Variants in TP53BP1 observed in about 807,000 individuals in gnomAD.
TP53BP1 encodes TP53-binding protein 1.
In TP53BP1, 61 loss-of-function variants were observed where a neutral mutation model predicts 200.8. The ratio of observed to expected loss-of-function variants is 0.30; its 90% CI spans 0.25 to 0.38. The LOEUF is 0.38. Ranked by LOEUF, TP53BP1 falls within the 10% of genes least tolerant of loss-of-function variation. The probability of loss-of-function intolerance (pLI) is 1.00; values close to 1 mark genes in which losing one functional copy is unlikely to be tolerated. For missense variants in TP53BP1, 2,144 were observed against 2,371.9 expected (o/e 0.90, Z 2.00); for synonymous variants, 822 against 844.3 (o/e 0.97, Z 0.46).
intron 25 of TP53BP1, 75 bp from the exon 26 acceptor site, chr15:43,409,171 C>G: frequency 1.4e-6 from 2 of 1,395,744 alleles, no homozygotes; most frequent in Non-Finnish European, 2.0e-6. Flanking sequence ...CATAATGAGC[C>G]ATGAAGAGCA....
chr15:43,406,383 T>C lies in TP53BP1; in HGVS notation c.*1000A>G, dbSNP rs1595510018. ...TCTGACAACTTATTCCCTGCTATTA[T>C]CAACTAAAGATCACCCTTTCTACTG... On this transcript the variant is annotated 3_prime_UTR_variant, in exon 28 of 28. Transcript: ENST00000382044. The C allele has an allele frequency of 9.3e-6, 3 of 322,018 alleles. No homozygotes were observed. The East Asian group carries it at 2.4e-4, about 25-fold the overall frequency. 19.9% of individuals were successfully genotyped at this position (322,018 alleles called of 1,614,324 possible).
chr15:43,415,502 C>A, intron 23 of TP53BP1, 92 bp downstream of exon 23: 1 of 1,341,698 alleles, frequency 7.5e-7, no homozygotes, highest in Non-Finnish European at 1.1e-6. Context: ...GACAGAAGGG[C>A]CACTGCCACA....
chr15:43,403,678 G>A lies in TP53BP1; in HGVS notation c.*3705C>T, dbSNP rs762108781. On this transcript the variant is annotated 3_prime_UTR_variant, in exon 28 of 28. Transcript: ENST00000382044. The stretch of plus-strand genomic sequence containing the variant: ...TTCCTAATGCCAACTCTGTTTCCCG[G>A]GTAGGTGTTTCACTGCCTGAATGAA... 8.1e-6 allele frequency: 13 copies of A among 1,606,510 alleles called. No homozygotes were observed. In the Admixed American group the frequency reaches 2.0e-4, roughly 25 times the overall value.
intron 17 of TP53BP1, among the ~76,000 whole-genome samples, chr15:43,429,824 C>CATG (rs1356071463): frequency 6.6e-6 from 1 of 152,200 alleles, no homozygotes. Context: ...GGTACCCATG[C>CATG]ATGAGAACTA....
At chr15:43,427,017 CAAAAAAAAAAAAA>C (rs1230749433) in intron 18 of TP53BP1, among the ~76,000 whole-genome samples, 1 of 67,672 alleles carries the variant, frequency 1.5e-5, no homozygotes, top group Non-Finnish European at 3.0e-5. Context: ...GACTCTGCCT[CAAAAAAAAAAAAA>C]AAAAAAGAAA....
Position 43,409,662 on chromosome 15 carries a change from A to C in TP53BP1, c.5385T>G (p.Asp1795Glu), listed in dbSNP as rs1415885856. The change falls in exon 25 of 28, where the codon GAT (aspartate) becomes GAG (glutamate). Residue 1795 changes from aspartate to glutamate, a missense_variant. Physicochemically the swap from Asp to Glu is conservative, Grantham distance 45. Around this residue, in one of 4 missense-constraint regions of TP53BP1, gnomAD observed 334 missense variants for 453.4 expected, o/e 0.74. Transcript: ENST00000382044. The stretch of plus-strand genomic sequence containing the variant: ...AACTCCTCACCTGGGCTTCATTGAA[A>C]TCTTCAAGGATATAGCCAGCTCCTG... ...LRAGAGYILEDFNEAQCNTAY... is the reference protein window; with the variant it reads ...LRAGAGYILEEFNEAQCNTAY... 6.5e-7 allele frequency: 1 copy of C among 1,548,804 alleles called. No individual in the cohort carries two copies. Among genetic ancestry groups the C allele is most frequent in the Non-Finnish European group, 8.7e-7 (1 of 1,148,686 alleles).
intron 21 of TP53BP1, among the ~76,000 whole-genome samples, chr15:43,419,400 C>G (rs1307682613): frequency 6.6e-6 from 1 of 151,864 alleles, no homozygotes; most frequent in Non-Finnish European, 1.5e-5. Context: ...CTCACTGTTT[C>G]CCAGGCTGGA....
At chr15:43,421,821 T>C (rs1402760553) in intron 19 of TP53BP1, 34 bp downstream of exon 19, 1 of 1,611,620 alleles carries the variant, frequency 6.2e-7, no homozygotes, top group Admixed American at 1.7e-5. Flanking sequence ...CTGCCCCTGC[T>C]GTGGCTCTCT....
intron 22 of TP53BP1, 66 bp downstream of exon 22, chr15:43,416,159 G>C (rs1433759010): frequency 4.2e-6 from 6 of 1,423,314 alleles, no homozygotes; most frequent in African/African-American, 1.4e-5. Flanking sequence ...GACAGGTCCA[G>C]AATCTCCTCC....
intron 4 of TP53BP1, among the ~76,000 whole-genome samples, chr15:43,486,202 C>A (rs1422428057): frequency 1.3e-5 from 2 of 151,932 alleles, no homozygotes; most frequent in Non-Finnish European, 2.9e-5. Context: ...CATGGAGAAA[C>A]CCTATCTCCA....
At position 43,469,727 on chromosome 15, in the gene TP53BP1, C is replaced by G; in HGVS notation, c.1389+131G>C. 5.0e-6 allele frequency: 4 copies of G among 797,154 alleles called. No individual in the cohort carries two copies. In the South Asian group the frequency reaches 7.5e-5, roughly 15 times the overall value. 49.4% of individuals were successfully genotyped at this position (797,154 alleles called of 1,614,324 possible). A position where few individuals can be genotyped will look rare whatever the true frequency, so the allele number is the denominator to read the frequency against. On this transcript the variant is annotated intron_variant, in intron 11 of 27. Coordinates refer to ENST00000382044, the MANE Select transcript of TP53BP1 (RefSeq NM_001141980.3). ...GCTTTGTGACGACAGCTTCACAACT[C>G]TGTAAATTTACTAAAATATCACAAA...
intron 12 of TP53BP1, among the ~76,000 whole-genome samples, chr15:43,454,961 C>G (rs1244430782): frequency 2.6e-5 from 4 of 151,824 alleles, no homozygotes; most frequent in African/African-American, 9.7e-5. Context: ...AACTCCTGAG[C>G]TCAGGCAATC....
chr15:43,490,841 G>A (rs146731426), intron 4 of TP53BP1, among the ~76,000 whole-genome samples: 1 of 152,198 alleles, frequency 6.6e-6, no homozygotes, highest in Non-Finnish European at 1.5e-5. Context: ...TGTCTTCATC[G>A]TACAGCTGCT....
intron 4 of TP53BP1, among the ~76,000 whole-genome samples, chr15:43,488,996 G>A (rs2079084895): frequency 1.3e-5 from 2 of 152,218 alleles, no homozygotes; most frequent in Admixed American, 1.3e-4. Flanking sequence ...TGTTTGGACA[G>A]CTCCTCCTTT....
At chr15:43,459,653 T>C (rs973790233) in intron 11 of TP53BP1, among the ~76,000 whole-genome samples, 1 of 151,896 alleles carries the variant, frequency 6.6e-6, no homozygotes, top group Non-Finnish European at 1.5e-5. Flanking sequence ...TCCAATTGCA[T>C]GAAATTCTTT....
chr15:43,462,915 G>C lies in TP53BP1; in HGVS notation c.1390-5697C>G, dbSNP rs184241862. Among the ~76,000 whole-genome samples the C allele has an allele frequency of 6.0e-4, 91 of 152,124 alleles. 1 individual carries two copies. The highest frequency in any genetic ancestry group is 9.1e-4 in the Non-Finnish European group (62 of 67,988). Reference sequence around the variant, plus strand: ...CTACTAAAAATACAAACATTAGCTGGGCATGGTGGTGTGCACTTTTTGTCC... The same window carrying C: ...CTACTAAAAATACAAACATTAGCTGCGCATGGTGGTGTGCACTTTTTGTCC... On this transcript the variant is annotated intron_variant, in intron 11 of 27. Coordinates refer to ENST00000382044, the MANE Select transcript of TP53BP1 (RefSeq NM_001141980.3).
In TP53BP1 at chr15:43,432,553, A is replaced by G. The variant is rs765883263; in HGVS notation, c.3316T>C (p.Ser1106Pro). The G allele has an allele frequency of 1.4e-5, 23 of 1,613,956 alleles. No individual in the cohort carries two copies. Among genetic ancestry groups the G allele is most frequent in the Non-Finnish European group, 1.9e-5 (23 of 1,180,016 alleles). ...ATGACCATCTTCTGGGAAGCAGGAG[A>G]AACAGGGTCCTTGACAGGACTAATG... Reference protein sequence around the residue: ...KPISPVKDPVSPASQKMVIQG... With the variant: ...KPISPVKDPVPPASQKMVIQG... The change falls in exon 17 of 28, where the codon TCT becomes CCT. Residue 1106 changes from serine to proline, a missense_variant. Ser to Pro is a moderately conservative substitution (Grantham distance 74, BLOSUM62 -1). This residue lies in a region of TP53BP1 where 1,700 missense variants were observed against 1,710.3 expected (regional missense o/e 0.99). Transcript: ENST00000382044.
At position 43,405,049 on chromosome 15, in the gene TP53BP1, T is replaced by C. The variant is rs1377189792; in HGVS notation, c.*2334A>G. 1.2e-6 allele frequency: 1 copy of C among 820,970 alleles called. No homozygotes were observed. Among genetic ancestry groups the C allele is most frequent in the East Asian group, 2.7e-5 (1 of 37,360 alleles). 50.9% of individuals were successfully genotyped at this position (820,970 alleles called of 1,614,324 possible). On this transcript the variant is annotated 3_prime_UTR_variant, in exon 28 of 28. Transcript: ENST00000382044. ...TCTCTCTAAAATGTCTGCAAGCAGA[T>C]TTTTTTCTAAGCTATTGTAGCAGAA...
intron 1 of TP53BP1, among the ~76,000 whole-genome samples, chr15:43,506,727 C>T (rs1193543364): frequency 6.6e-6 from 1 of 152,202 alleles, no homozygotes; most frequent in Admixed American, 6.5e-5. Context: ...ACAGGAGGCT[C>T]CATAGCCATC....
Sources: gnomAD v4.1 joint callset for allele counts (sites outside exome capture counted in the v4.1 genomes callset) on GRCh38, gnomAD v4.1.1 for gene constraint, gnomAD v4.1.1 regional missense constraint, MANE v1.5 for transcripts, NCBI Gene and HGNC (gene_info 2026-07-23, HGNC 2026-07-21) for gene names.